Variants in PCDHGA4 observed in about 807,000 individuals in gnomAD.
PCDHGA4 encodes the protein protocadherin gamma subfamily A, 4.
PCDHGA4 carries 38 observed loss-of-function variants against 54.6 expected under a neutral mutation model. The observed-to-expected ratio is 0.70, with a 90% CI of 0.54 to 0.91. PCDHGA4 has a LOEUF of 0.91. PCDHGA4 is among the 40% of genes least tolerant of loss of function. The probability of loss-of-function intolerance (pLI) is 0.00; values close to 1 mark genes in which losing one functional copy is unlikely to be tolerated. For missense variants in PCDHGA4, 1,298 were observed against 1,220.9 expected (o/e 1.06, Z -0.94); for synonymous variants, 511 against 512.9 (o/e 1.00, Z 0.05).
chr5:141,367,486 G>A (rs1765164408), intron 1 of PCDHGA4: 1 of 152,108 alleles, frequency 6.6e-6, no homozygotes, highest in African/African-American at 2.4e-5. Context: ...GCAGTAAGCC[G>A]AGATCGCGCC....
chr5:141,426,691 G>A, intron 1 of PCDHGA4: 1 of 435,886 alleles, frequency 2.3e-6, no homozygotes, highest in South Asian at 1.6e-5. Context: ...CCCCAAAATA[G>A]CATTGTTTTA....
chr5:141,474,961 AATC>A (rs2099357151), intron 1 of PCDHGA4, among the ~76,000 whole-genome samples: 1 of 152,254 alleles, frequency 6.6e-6, no homozygotes, highest in African/African-American at 2.4e-5. Flanking sequence ...TCACTATCCT[AATC>A]ATTATAATTT....
intron 1 of PCDHGA4, chr5:141,393,292 C>T: frequency 6.2e-7 from 1 of 1,613,946 alleles, no homozygotes; most frequent in Non-Finnish European, 8.5e-7. Context: ...GCTGTTGACC[C>T]GGATGTGGGC....
chr5:141,355,140 G>A lies in PCDHGA4; in HGVS notation c.33G>A (p.Gly11=), dbSNP rs1011751215. 20 of 1,525,342 alleles carry A rather than the reference G, an allele frequency of 1.3e-5. No individual in the cohort carries two copies. Among genetic ancestry groups the A allele is most frequent in the Non-Finnish European group, 3.5e-6 (4 of 1,139,998 alleles). The allele number at this position is 1,525,342 out of a possible 1,614,324, so 94.5% of individuals were successfully genotyped here. Residue 11 remains glycine, a synonymous_variant, in exon 1 of 4, where the codon GGG becomes GGA. Coordinates refer to ENST00000571252, the MANE Select transcript of PCDHGA4 (RefSeq NM_018917.4). ...TTATTTTGGACCCAGAAGATCCTGG[G>A]GCTCCTCAGGCCTCGACAGAGGGAA... MHFILDPEDP[G]APQASTEGKP...
chr5:141,381,826 CTTTTTTT>C (rs770630741), intron 1 of PCDHGA4, among the ~76,000 whole-genome samples: 293 of 74,292 alleles, frequency 3.9e-3, no homozygotes, highest in Middle Eastern at 0.016. Context: ...CTTTCTTCTT[CTTTTTTT>C]TTTTTTTTTT....
At chr5:141,364,712 G>T in intron 1 of PCDHGA4, 1 of 1,613,952 alleles carries the variant, frequency 6.2e-7, no homozygotes, top group Middle Eastern at 1.6e-4. Flanking sequence ...CGATATTAAT[G>T]ATAACTTCCC....
In PCDHGA4 at chr5:141,486,727, T is replaced by C; in HGVS notation, c.2515-8080T>C. ...TGAACCCCCAGACAGGAGCTGTTCA[T>C]GCTACTCGATCCTTTGACTATGAGC... On this transcript the variant is annotated intron_variant, in intron 1 of 3. Transcript: ENST00000571252. The surrounding 1 kb of genome is among the most constrained non-coding windows in gnomAD (Gnocchi z 5.0). 6.2e-7 allele frequency: 1 copy of C among 1,614,232 alleles called. No homozygotes were observed. Among genetic ancestry groups the C allele is most frequent in the Non-Finnish European group, 8.5e-7 (1 of 1,180,044 alleles).
chr5:141,365,229 A>G (rs1356332881), intron 1 of PCDHGA4: 2 of 1,613,824 alleles, frequency 1.2e-6, no homozygotes, highest in Non-Finnish European at 1.7e-6. Flanking sequence ...AACCTGGGGG[A>G]AATCTCAACT....
rs2095330785 is a variant in PCDHGA4 at position 141,409,884 on chromosome 5, G to C, written c.2514+52263G>C. The C allele has an allele frequency of 1.9e-6, 3 of 1,612,952 alleles. No individual in the cohort carries two copies. In the South Asian group the frequency reaches 3.3e-5, roughly 18 times the overall value. On this transcript the variant is annotated intron_variant, in intron 1 of 3. Transcript: ENST00000571252. ...GGAGACCGCAATGACAACGCACCGC[G>C]GGTGCTGTACCCAGCTCTGGGTCCT...
At chr5:141,451,151 A>AT (rs1324071351) in intron 1 of PCDHGA4, among the ~76,000 whole-genome samples, 2 of 152,190 alleles carry the variant, frequency 1.3e-5, no homozygotes, top group Admixed American at 6.5e-5. Context: ...TAGACTAGAC[A>AT]TTTTTTTGGT....
At chr5:141,413,118 G>C (rs999214227) in intron 1 of PCDHGA4, 1 of 1,517,152 alleles carries the variant, frequency 6.6e-7, no homozygotes, top group Non-Finnish European at 8.9e-7. Flanking sequence ...CAAAGGAACC[G>C]GTTGAAACAC....
At chr5:141,407,238 T>C (rs538322072) in intron 1 of PCDHGA4, among the ~76,000 whole-genome samples, 1 of 152,338 alleles carries the variant, frequency 6.6e-6, no homozygotes, top group East Asian at 1.9e-4. Context: ...AAATAAAGCA[T>C]ACTTCAGGCT....
At chr5:141,455,160 G>T (rs6875366) in intron 1 of PCDHGA4, among the ~76,000 whole-genome samples, 16,301 of 149,190 alleles carry the variant, frequency 0.11, 1,328 homozygotes, top group African/African-American at 0.23. Context: ...TAGTTTGTTG[G>T]TTTTTTTTTT....
At position 141,493,726 on chromosome 5, in the gene PCDHGA4, G is replaced by C. The variant is rs1032021616; in HGVS notation, c.2515-1081G>C. ...CTGGAATGCTAGGTTTCTGGGTTCT[G>C]CTCATATCACTGCCACCTGTGAGCC... On this transcript the variant is annotated intron_variant, in intron 1 of 3. Coordinates refer to ENST00000571252, the MANE Select transcript of PCDHGA4 (RefSeq NM_018917.4). This position sits in a 1 kb window ranked among gnomAD's most constrained non-coding sequence, Gnocchi z 4.3. Among the ~76,000 whole-genome samples, 2 of 152,154 alleles carry C rather than the reference G, an allele frequency of 1.3e-5. No individual in the cohort carries two copies. Among genetic ancestry groups the C allele is most frequent in the African/African-American group, 4.8e-5 (2 of 41,438 alleles).
In PCDHGA4 at chr5:141,356,676, C is replaced by T. The variant is rs773817412; in HGVS notation, c.1569C>T (p.Ala523=). 16 of 1,613,838 alleles carry T rather than the reference C, an allele frequency of 9.9e-6. No homozygotes were observed. Among genetic ancestry groups the T allele is most frequent in the East Asian group, 2.2e-5 (1 of 44,880 alleles). ...GDNARITYSL[A]EDTFQGAPLS... ...ATGCCCGAATCACTTACTCCCTGGC[C>T]GAAGACACCTTCCAGGGTGCACCTC... is the stretch of plus-strand genomic sequence containing the variant. Residue 523 remains alanine (A), a synonymous_variant, in exon 1 of 4, where the codon GCC becomes GCT. Transcript: ENST00000571252.
intron 1 of PCDHGA4, chr5:141,365,999 G>A: frequency 1.9e-6 from 3 of 1,614,212 alleles, no homozygotes; most frequent in South Asian, 1.1e-5. Flanking sequence ...GGACCAGAAC[G>A]ACAATACGCC....
intron 1 of PCDHGA4, chr5:141,393,454 C>A: frequency 1.2e-6 from 2 of 1,614,046 alleles, no homozygotes; most frequent in South Asian, 1.1e-5. Context: ...GTCCTCACGG[C>A]CTCGGATGGC....
intron 1 of PCDHGA4, chr5:141,392,860 T>C (rs726684): frequency 6.2e-7 from 1 of 1,612,118 alleles, no homozygotes; most frequent in Non-Finnish European, 8.5e-7. Flanking sequence ...CTGATCCTGC[T>C]GTGCGCGCTG....
intron 1 of PCDHGA4, among the ~76,000 whole-genome samples, chr5:141,468,759 G>A (rs1202810666): frequency 3.9e-5 from 6 of 151,990 alleles, no homozygotes; most frequent in Admixed American, 2.0e-4. Context: ...CCAGCTACTC[G>A]GGAGGCTGAG....
Sources: allele counts gnomAD v4.1 joint callset (sites outside exome capture counted in the v4.1 genomes callset), GRCh38; gene constraint gnomAD v4.1.1; non-coding constraint Gnocchi (gnomAD v3.1); transcripts MANE v1.5; gene names NCBI Gene and HGNC (gene_info 2026-07-23, HGNC 2026-07-21).